NRXN1: variants seen among roughly 807,000 people sequenced by gnomAD.
The protein encoded by NRXN1 is neurexin 1.
NRXN1 carries 39 observed loss-of-function variants against 150.9 expected under a neutral mutation model. That is an observed-to-expected ratio of 0.26 (90% CI 0.20 to 0.34). The LOEUF is 0.34. Among genes scored for constraint, NRXN1 ranks in the 10% least tolerant of loss-of-function variants. NRXN1 has a pLI of 1.00. For synonymous variants in NRXN1, 924 were observed against 757.0 expected, an observed-to-expected ratio of 1.22 and a Z score of -3.62; for missense variants, 1,815 against 1,949.9, an observed-to-expected ratio of 0.93 and a Z score of 1.30.
At chr2:50,355,293 T>C (rs1299155843) in intron 17 of NRXN1, among the ~76,000 whole-genome samples, 1 of 148,500 alleles carries the variant, frequency 6.7e-6, no homozygotes, top group Non-Finnish European at 1.5e-5. Context: ...TATATATACA[T>C]ATATATATAT....
intron 22 of NRXN1, among the ~76,000 whole-genome samples, chr2:49,935,326 C>T (rs865966652): frequency 6.6e-6 from 1 of 152,166 alleles, no homozygotes; most frequent in African/African-American, 2.4e-5. Context: ...CTCAATAAAA[C>T]AAAATATTTT....
At chr2:50,908,075 T>C (rs1683979162) in intron 5 of NRXN1, among the ~76,000 whole-genome samples, 1 of 152,098 alleles carries the variant, frequency 6.6e-6, no homozygotes, top group African/African-American at 2.4e-5. Context: ...TACTGAGCTA[T>C]AAATCCCTCT....
At chr2:50,484,829 G>A (rs955621700) in intron 15 of NRXN1, among the ~76,000 whole-genome samples, 1 of 152,176 alleles carries the variant, frequency 6.6e-6, no homozygotes, top group Admixed American at 6.5e-5. Flanking sequence ...AATTTTCAAT[G>A]TTATACAATG....
intron 18 of NRXN1, among the ~76,000 whole-genome samples, chr2:50,221,494 T>A (rs994131993): frequency 6.6e-6 from 1 of 152,024 alleles, no homozygotes; most frequent in African/African-American, 2.4e-5. Flanking sequence ...CTATAGCACC[T>A]TTAGGACAAT....
In NRXN1 at chr2:49,966,056, T is replaced by C. The variant is rs546111911; in HGVS notation, c.4129-22265A>G. Among the ~76,000 whole-genome samples the C allele has an allele frequency of 4.6e-5, 7 of 152,316 alleles. No homozygotes were observed. In the East Asian group the frequency reaches 1.4e-3, roughly 29 times the overall value. On this transcript the variant is annotated intron_variant, in intron 21 of 22. Transcript: ENST00000401669. The stretch of plus-strand genomic sequence containing the variant: ...GTTTCTTGACATATGGTAATAAATA[T>C]TTTCACTTACAGTAAATAATTTTTG...
At chr2:50,614,074 G>A (rs1260510299) in intron 8 of NRXN1, among the ~76,000 whole-genome samples, 1 of 152,140 alleles carries the variant, frequency 6.6e-6, no homozygotes, top group Non-Finnish European at 1.5e-5. Flanking sequence ...GAAAGAGTGA[G>A]GGATGAGGCA....
chr2:50,664,442 G>A lies in NRXN1; in HGVS notation c.833-40827C>T, dbSNP rs572789968. On this transcript the variant is annotated intron_variant, in intron 5 of 22. Transcript: ENST00000401669. The stretch of plus-strand genomic sequence containing the variant: ...GTGTGTGTGTGTGTGTGTGTGTGGC[G>A]TGGCGGGGGCGGGTGGGTAGAAGGA... Among the ~76,000 whole-genome samples the A allele has an allele frequency of 4.2e-3, 584 of 137,648 alleles. 3 individuals carry two copies. The highest frequency in any genetic ancestry group is 0.011 in the African/African-American group (413 of 36,876). 90.3% of individuals were successfully genotyped at this position (137,648 alleles called of 152,430 possible).
At chr2:49,938,319 A>G (rs994271910) in intron 22 of NRXN1, among the ~76,000 whole-genome samples, 3 of 152,244 alleles carry the variant, frequency 2.0e-5, no homozygotes, top group African/African-American at 7.2e-5. Context: ...TTTGTAAAGG[A>G]CTAAGAACAA....
chr2:50,076,939 A>G (rs1697209010), intron 19 of NRXN1, among the ~76,000 whole-genome samples: 1 of 152,186 alleles, frequency 6.6e-6, no homozygotes, highest in South Asian at 2.1e-4. Context: ...CAACAATAAC[A>G]TTTTATGAAT....
chr2:50,620,014 A>ATATT lies in NRXN1; in HGVS notation c.1320+4_1320+7dup, dbSNP rs1259067816. On this transcript the variant is annotated splice_region_variant and intron_variant, in intron 8 of 22. Transcript: ENST00000401669. ...ATTAGGAATGATTCTGATGGCAACG[A>ATATT]TATTTACCTCTTTGAGACAGCCCAT... 7 of 1,578,764 alleles carry ATATT rather than the reference A, an allele frequency of 4.4e-6. No homozygotes were observed. In the African/African-American group the frequency reaches 8.1e-5, roughly 18 times the overall value.
chr2:50,485,927 C>G (rs1268813049), intron 15 of NRXN1, among the ~76,000 whole-genome samples: 1 of 152,178 alleles, frequency 6.6e-6, no homozygotes, highest in Non-Finnish European at 1.5e-5. Flanking sequence ...GCCCTACTGC[C>G]AGTGACTGAC....
intron 5 of NRXN1, among the ~76,000 whole-genome samples, chr2:50,825,707 A>C (rs1670352330): frequency 6.6e-6 from 1 of 152,220 alleles, no homozygotes; most frequent in African/African-American, 2.4e-5. Flanking sequence ...TGCTCTCGCA[A>C]ATTAATGGAA....
At chr2:51,007,461 G>A (rs1667198991) in intron 2 of NRXN1, among the ~76,000 whole-genome samples, 1 of 151,834 alleles carries the variant, frequency 6.6e-6, no homozygotes, top group African/African-American at 2.4e-5. Context: ...GTTAACATAA[G>A]TTACTCGAAG....
At chr2:50,580,227 G>A (rs955399008) in intron 8 of NRXN1, among the ~76,000 whole-genome samples, 3 of 152,194 alleles carry the variant, frequency 2.0e-5, no homozygotes, top group South Asian at 2.1e-4. Flanking sequence ...CTCAGAAATC[G>A]ATGTCATCCA....
chr2:50,718,297 A>T (rs1274310339), intron 5 of NRXN1, among the ~76,000 whole-genome samples: 1 of 152,260 alleles, frequency 6.6e-6, no homozygotes, highest in East Asian at 1.9e-4. Context: ...GGGAGCACAA[A>T]AAAAATTTGG....
At chr2:50,748,098 C>G (rs539627535) in intron 5 of NRXN1, among the ~76,000 whole-genome samples, 8 of 152,152 alleles carry the variant, frequency 5.3e-5, no homozygotes, top group Non-Finnish European at 8.8e-5. Context: ...ACTGTCCCCA[C>G]GTATAGACGA....
intron 17 of NRXN1, among the ~76,000 whole-genome samples, chr2:50,378,010 C>T (rs759082259): frequency 5.9e-5 from 9 of 152,242 alleles, no homozygotes; most frequent in Non-Finnish European, 8.8e-5. Context: ...TGACTCTAGG[C>T]ATCTGCCAAG....
intron 17 of NRXN1, among the ~76,000 whole-genome samples, chr2:50,281,148 C>CAAAA (rs70946898): frequency 2.8e-5 from 3 of 107,142 alleles, no homozygotes; most frequent in Non-Finnish European, 3.9e-5. Context: ...ACTAAAAATA[C>CAAAA]AAAAAAAAAA....
intron 21 of NRXN1, among the ~76,000 whole-genome samples, chr2:50,012,039 G>A (rs1685756449): frequency 6.6e-6 from 1 of 152,002 alleles, no homozygotes; most frequent in Non-Finnish European, 1.5e-5. Flanking sequence ...GGGTCAATAT[G>A]GCAGAGAAAT....
Sources: allele counts gnomAD v4.1 joint callset (sites outside exome capture counted in the v4.1 genomes callset), GRCh38; gene constraint gnomAD v4.1.1; transcripts MANE v1.5; gene names NCBI Gene and HGNC (gene_info 2026-07-23, HGNC 2026-07-21).